The following DYNC2H1 variants were observed in gnomAD, a reference collection of about 807,000 sequenced individuals.
DYNC2H1 encodes the protein cytoplasmic dynein 2 heavy chain 1.
DYNC2H1 carries 410 observed loss-of-function variants against 570.0 expected under a neutral mutation model. That is an observed-to-expected ratio of 0.72 (90% CI 0.66 to 0.78). DYNC2H1 has a LOEUF of 0.78. Among genes scored for constraint, DYNC2H1 ranks in the 30% least tolerant of loss-of-function variants. The pLI is 0.00. For missense variants in DYNC2H1, 4,865 were observed against 5,046.4 expected, an observed-to-expected ratio of 0.96 and a Z score of 1.09; for synonymous variants, 1,688 against 1,677.6, an observed-to-expected ratio of 1.01 and a Z score of -0.15.
rs1035957360 is a variant in DYNC2H1 at position 103,205,696 on chromosome 11, G to A, written c.8454+732G>A. Reference sequence around the variant, plus strand: ...ACATAGCAGACGAAAAAAAACCAGAGAGAAATCCCTGCCCTCATGGTGTTT... The same window carrying A: ...ACATAGCAGACGAAAAAAAACCAGAAAGAAATCCCTGCCCTCATGGTGTTT... On this transcript the variant is annotated intron_variant, in intron 52 of 88. Transcript: ENST00000375735. This position sits in a 1 kb window ranked among gnomAD's most constrained non-coding sequence, Gnocchi z 4.5. 2.0e-5 allele frequency among the ~76,000 whole-genome samples: 3 copies of A among 152,122 alleles called. No homozygotes were observed. The highest frequency in any genetic ancestry group is 2.9e-5 in the Non-Finnish European group (2 of 68,014).
At chr11:103,347,955 A>C (rs1263861361) in intron 82 of DYNC2H1, among the ~76,000 whole-genome samples, 1 of 152,140 alleles carries the variant, frequency 6.6e-6, no homozygotes, top group Non-Finnish European at 1.5e-5. Flanking sequence ...ACTAACCTAC[A>C]CTGAGAAAAA....
At chr11:103,464,459 T>C (rs1945129986) in intron 87 of DYNC2H1, among the ~76,000 whole-genome samples, 1 of 152,150 alleles carries the variant, frequency 6.6e-6, no homozygotes, top group African/African-American at 2.4e-5. Flanking sequence ...GAAAAACTAA[T>C]TCAGGAATTT....
chr11:103,340,079 C>T (rs1372593545), intron 82 of DYNC2H1, among the ~76,000 whole-genome samples: 1 of 152,194 alleles, frequency 6.6e-6, no homozygotes, highest in African/African-American at 2.4e-5. Flanking sequence ...CTTATCCTTC[C>T]TACCCTTTTA....
At chr11:103,143,718 A>C (rs1860089828) in intron 18 of DYNC2H1, among the ~76,000 whole-genome samples, 1 of 152,148 alleles carries the variant, frequency 6.6e-6, no homozygotes, top group Non-Finnish European at 1.5e-5. Context: ...AGCATACTAG[A>C]CAATATAAAG....
intron 32 of DYNC2H1, among the ~76,000 whole-genome samples, chr11:103,169,719 A>G (rs559122668): frequency 1.1e-4 from 17 of 152,308 alleles, no homozygotes; most frequent in Non-Finnish European, 2.4e-4. Context: ...GATCTCCAAA[A>G]TAGTTCTGAT....
At chr11:103,350,617 A>G (rs1175176800) in intron 82 of DYNC2H1, among the ~76,000 whole-genome samples, 3 of 152,198 alleles carry the variant, frequency 2.0e-5, no homozygotes, top group Non-Finnish European at 4.4e-5. Flanking sequence ...GGCTTAAACA[A>G]CAGAAATTTA....
chr11:103,421,909 GGT>G (rs142346378), intron 84 of DYNC2H1, among the ~76,000 whole-genome samples: 5,759 of 148,022 alleles, frequency 0.039, 259 homozygotes, highest in East Asian at 0.23. Flanking sequence ...TCCAAGAACT[GGT>G]TTTTTTTTTT....
At chr11:103,128,662 C>T (rs977320246) in intron 12 of DYNC2H1, among the ~76,000 whole-genome samples, 5 of 152,098 alleles carry the variant, frequency 3.3e-5, no homozygotes, top group Admixed American at 2.6e-4. Flanking sequence ...CTTCTTGATT[C>T]CGGACAACGT....
At position 103,191,568 on chromosome 11, in the gene DYNC2H1, T is replaced by C; in HGVS notation, c.7489T>C (p.Cys2497Arg). ...DDYSHYFFTP[C>R]ILTQWVLGLF... ...TTATAGTCACTATTTCTTTACTCCT[T>C]GCATTCTTACCCAATGGGTTCTTGG... Residue 2497 changes from cysteine (C) to arginine (R), a missense_variant, in exon 46 of 89, where the codon TGC becomes CGC. Transcript: ENST00000375735. 3 of 1,610,718 alleles carry C rather than the reference T, an allele frequency of 1.9e-6. No individual in the cohort carries two copies. Among genetic ancestry groups the C allele is most frequent in the Non-Finnish European group, 2.5e-6 (3 of 1,178,390 alleles).
chr11:103,433,688 C>T (rs542567540), intron 84 of DYNC2H1, among the ~76,000 whole-genome samples: 4 of 152,214 alleles, frequency 2.6e-5, no homozygotes, highest in South Asian at 2.1e-4. Context: ...TCCCAGACTC[C>T]TCCACATGTT....
Position 103,199,370 on chromosome 11 carries a change from G to A in DYNC2H1, c.7982G>A (p.Arg2661His). ...LLLAGRSGVG[R>H]RTITSLVSHM... ...TTAGCAGGACGCAGTGGTGTAGGTC[G>A]TCGGACCATCACTTCTTTAGTCAGT... Residue 2661 changes from arginine (R) to histidine (H), a missense_variant, in exon 49 of 89, where the codon CGT becomes CAT. Physicochemically the swap from Arg to His is conservative, Grantham distance 29. Around this residue, in one of 5 missense-constraint regions of DYNC2H1, gnomAD observed 2,401 missense variants for 2,454.6 expected, o/e 0.98. Coordinates refer to ENST00000375735, the MANE Select transcript of DYNC2H1 (RefSeq NM_001377.3). This position sits in a 1 kb window ranked among gnomAD's most constrained non-coding sequence, Gnocchi z 4.6. 5 of 1,608,206 alleles carry A rather than the reference G, an allele frequency of 3.1e-6. No homozygotes were observed. In the South Asian group the frequency reaches 4.4e-5, roughly 14 times the overall value.
intron 84 of DYNC2H1, among the ~76,000 whole-genome samples, chr11:103,435,244 G>A (rs1289726712): frequency 2.6e-5 from 4 of 151,818 alleles, no homozygotes; most frequent in African/African-American, 9.7e-5. Flanking sequence ...CAGTGTTTGG[G>A]GTATAAAATT....
chr11:103,317,368 C>CTT (rs202210591), intron 80 of DYNC2H1, among the ~76,000 whole-genome samples: 14 of 148,038 alleles, frequency 9.5e-5, no homozygotes, highest in Non-Finnish European at 1.5e-4. Context: ...ACCTTGGATT[C>CTT]TTTTTTTTTT....
rs114394091 is a variant in DYNC2H1 at position 103,324,834 on chromosome 11, G to A, written c.12039+844G>A. ...TCTAATTTGCATTCCCACCAGTGGTGTGTAAGCATTCCCTTTTCTCTGCAA... is the reference window on the plus strand; with the variant it reads ...TCTAATTTGCATTCCCACCAGTGGTATGTAAGCATTCCCTTTTCTCTGCAA... On this transcript the variant is annotated intron_variant, in intron 82 of 88. Transcript: ENST00000375735. This position sits in a 1 kb window ranked among gnomAD's most constrained non-coding sequence, Gnocchi z 5.2. Among the ~76,000 whole-genome samples, 2,378 of 152,312 alleles carry A rather than the reference G, an allele frequency of 0.016. 49 individuals are homozygous for A. Among genetic ancestry groups the A allele is most frequent in the African/African-American group, 0.055 (2,265 of 41,552 alleles).
chr11:103,425,515 C>A (rs1235176832), intron 84 of DYNC2H1, among the ~76,000 whole-genome samples: 1 of 152,044 alleles, frequency 6.6e-6, no homozygotes, highest in Non-Finnish European at 1.5e-5. Context: ...ACCCTCATAA[C>A]CTATTTCCTT....
chr11:103,361,991 A>G (rs1436290385), intron 83 of DYNC2H1, among the ~76,000 whole-genome samples: 1 of 152,196 alleles, frequency 6.6e-6, no homozygotes, highest in African/African-American at 2.4e-5. Context: ...GGAGACTGGA[A>G]GTTAGATTTA....
At chr11:103,114,684 G>A (rs1195704023) in intron 3 of DYNC2H1, among the ~76,000 whole-genome samples, 1 of 152,138 alleles carries the variant, frequency 6.6e-6, no homozygotes, top group Admixed American at 6.5e-5. Flanking sequence ...ACAAGATTAG[G>A]TTCCTTTGAG....
In DYNC2H1 at chr11:103,174,113, C is replaced by T. The variant is rs1334553969; in HGVS notation, c.5617C>T (p.Leu1873=). 6 of 1,590,816 alleles carry T rather than the reference C, an allele frequency of 3.8e-6. No individual in the cohort carries two copies. The highest frequency in any genetic ancestry group is 5.1e-6 in the Non-Finnish European group (6 of 1,167,336). Residue 1873 remains leucine, a synonymous_variant, in exon 36 of 89, where the codon CTG becomes TTG. Coordinates refer to ENST00000375735, the MANE Select transcript of DYNC2H1 (RefSeq NM_001377.3). ...GGGTTTGAGAGCTTTGAAGACAGTT[C>T]TGAGAGGAAGTGGAAATCTCCTTAG... The part of the protein sequence containing the change: ...DWGLRALKTV[L]RGSGNLLRQL...
In DYNC2H1 at chr11:103,363,064, T is replaced by C. The variant is rs1327454323; in HGVS notation, c.12156+4705T>C. Among the ~76,000 whole-genome samples, 1 of 151,666 alleles carries C rather than the reference T, an allele frequency of 6.6e-6. No homozygotes were observed. Among genetic ancestry groups the C allele is most frequent in the Non-Finnish European group, 1.5e-5 (1 of 67,928 alleles). The stretch of plus-strand genomic sequence containing the variant: ...TAAATAAATAAATAATATAATATAA[T>C]ATAACAGGCATTTCATTTAAGTATA... On this transcript the variant is annotated intron_variant, in intron 83 of 88. Transcript: ENST00000375735. This position sits in a 1 kb window ranked among gnomAD's most constrained non-coding sequence, Gnocchi z 5.6.
Sources: allele counts gnomAD v4.1 joint callset (sites outside exome capture counted in the v4.1 genomes callset), GRCh38; gene constraint gnomAD v4.1.1; regional missense constraint gnomAD v4.1.1; non-coding constraint Gnocchi (gnomAD v3.1); transcripts MANE v1.5; gene names NCBI Gene and HGNC (gene_info 2026-07-23, HGNC 2026-07-21).